The following HMCN2 variants were observed in gnomAD, a reference collection of about 807,000 sequenced individuals.
HMCN2 encodes the protein hemicentin-2.
A neutral mutation model predicts 377.5 loss-of-function variants in HMCN2; 325 were observed. The observed-to-expected ratio is 0.86, with a 90% CI of 0.79 to 0.94. HMCN2 has a LOEUF of 0.94. Ranked by LOEUF, HMCN2 falls within the 40% of genes least tolerant of loss-of-function variation. The pLI, the probability that HMCN2 is intolerant of heterozygous loss-of-function variation, is 0.00. For synonymous variants in HMCN2, 2,007 were observed against 2,046.8 expected (o/e 0.98, Z 0.53); for missense variants, 4,543 against 4,725.3 (o/e 0.96, Z 1.13).
rs1842440451 is a variant in HMCN2, at chr9:130,393,536, A to G, written c.10235-206A>G. Among the ~76,000 whole-genome samples the G allele has an allele frequency of 6.6e-6, 1 of 152,154 alleles. No homozygotes were observed. The highest frequency in any genetic ancestry group is 1.5e-5 in the Non-Finnish European group (1 of 68,006). On this transcript the variant is annotated intron_variant, in intron 67 of 97. Coordinates refer to ENST00000683500, the MANE Select transcript of HMCN2 (RefSeq NM_001291815.2). The surrounding 1 kb of genome is among the most constrained non-coding windows in gnomAD (Gnocchi z 5.2). ...GATAGGCGGGGGCAGAGAGGCAGGA[A>G]GCAGCTCAGTAAAGAGACAATCACA...
Position 130,386,497 on chromosome 9 carries a change from G to A in HMCN2, c.9364G>A (p.Val3122Met), listed in dbSNP as rs1044559218. 39 of 1,303,446 alleles carry A rather than the reference G, an allele frequency of 3.0e-5. No homozygotes were observed. Among genetic ancestry groups the A allele is most frequent in the Admixed American group, 6.9e-5 (3 of 43,538 alleles). 80.7% of individuals were successfully genotyped at this position (1,303,446 alleles called of 1,614,324 possible). A position where few individuals can be genotyped will look rare whatever the true frequency, so the allele number is the denominator to read the frequency against. ...CKVSNVAGEA[V>M]RTFTLTVQVP... ...AGTCAGCAACGTGGCTGGGGAGGCCGTGCGGACCTTCACCCTCACCGTCCA... is the reference window on the plus strand; with the variant it reads ...AGTCAGCAACGTGGCTGGGGAGGCCATGCGGACCTTCACCCTCACCGTCCA... Residue 3122 changes from valine to methionine, a missense_variant, in exon 61 of 98, where the codon GTG becomes ATG. Physicochemically the swap from Val to Met is conservative, Grantham distance 21. This residue lies in a region of HMCN2 where 736 missense variants were observed against 773.2 expected (regional missense o/e 0.95). Coordinates refer to ENST00000683500, the MANE Select transcript of HMCN2 (RefSeq NM_001291815.2).
intron 15 of HMCN2, among the ~76,000 whole-genome samples, chr9:130,317,803 A>AAACC (rs1322671472): frequency 3.8e-5 from 1 of 26,004 alleles, no homozygotes; most frequent in Non-Finnish European, 1.3e-4. Context: ...ACAAACAAAA[A>AAACC]AAACACAAAC....
intron 56 of HMCN2, among the ~76,000 whole-genome samples, 152 bp downstream of exon 56, chr9:130,383,018 T>C (rs1841812750): frequency 6.6e-6 from 1 of 152,178 alleles, no homozygotes; most frequent in South Asian, 2.1e-4. Context: ...TGAGGAGGCA[T>C]GCTGGGCCAG....
intron 19 of HMCN2, among the ~76,000 whole-genome samples, chr9:130,322,347 T>C (rs1020457398): frequency 2.5e-4 from 12 of 48,886 alleles, no homozygotes; most frequent in Admixed American, 4.7e-4. Flanking sequence ...TCTATCCATC[T>C]ATCTATCTAT....
At chr9:130,404,776 G>T (rs954450102) in intron 80 of HMCN2, 93 bp from the exon 81 acceptor site, 30 of 887,186 alleles carry the variant, frequency 3.4e-5, no homozygotes, top group Non-Finnish European at 4.3e-5. Flanking sequence ...GGCCAGGGAG[G>T]GCTGAAGGGC....
rs943907168 is a variant in HMCN2, at chr9:130,338,144, C to G, written c.3487+123C>G. On this transcript the variant is annotated intron_variant, in intron 23 of 97. Coordinates refer to ENST00000683500, the MANE Select transcript of HMCN2 (RefSeq NM_001291815.2). ...TGTCAGGCTCTGTCACCTCTCCCTCCGTGCGCCTCTGCCACCTCCTTTTGC... is the reference window on the plus strand; with the variant it reads ...TGTCAGGCTCTGTCACCTCTCCCTCGGTGCGCCTCTGCCACCTCCTTTTGC... 705 of 153,550 alleles carry G rather than the reference C, an allele frequency of 4.6e-3. 12 individuals are homozygous for G. The highest frequency in any genetic ancestry group is 0.016 in the African/African-American group (667 of 41,528). The allele number at this position is 153,550 out of a possible 1,614,324, so 9.5% of individuals were successfully genotyped here. A position where few individuals can be genotyped will look rare whatever the true frequency, so the allele number is the denominator to read the frequency against.
In HMCN2 at chr9:130,379,390, C is replaced by T. The variant is rs999697231; in HGVS notation, c.8354C>T (p.Ala2785Val). ...NPAYLYCDTNAIPPPDLTWYR... is the reference protein window; with the variant it reads ...NPAYLYCDTNVIPPPDLTWYR... ...GCCTACCTGTACTGCGACACCAACG[C>T]GATCCCACCCCCGGACCTCACCTGG... Residue 2785 changes from alanine to valine, a missense_variant, in exon 54 of 98, where the codon GCG (alanine) becomes GTG (valine). Transcript: ENST00000683500. The T allele has an allele frequency of 2.3e-5, 23 of 985,696 alleles. No individual in the cohort carries two copies. The highest frequency in any genetic ancestry group is 1.1e-4 in the East Asian group (1 of 8,814). The allele number at this position is 985,696 out of a possible 1,614,324, so 61.1% of individuals were successfully genotyped here.
intron 44 of HMCN2, among the ~76,000 whole-genome samples, 200 bp downstream of exon 44, chr9:130,368,637 CTTAA>C (rs1345767115): frequency 6.6e-6 from 1 of 152,090 alleles, no homozygotes; most frequent in African/African-American, 2.4e-5. Flanking sequence ...AAACGAGAGG[CTTAA>C]TTGACTCACA....
chr9:130,314,153 G>T (rs1053502375), intron 15 of HMCN2, among the ~76,000 whole-genome samples: 2 of 152,116 alleles, frequency 1.3e-5, no homozygotes, highest in East Asian at 3.9e-4. Context: ...GAAGCTCCTG[G>T]TTGCCGGGGG....
Position 130,384,526 on chromosome 9 carries a change from T to G in HMCN2, c.8984T>G (p.Leu2995Arg). ...CTCTCCCTGGGTGAAGAGGTCTTCC[T>G]CCTGCCTGGTGGGTAAACTGAGGTG... ...QALSLGEEVF[L>R]LPGTHTLQLG... The change falls in exon 58 of 98, where the codon CTC becomes CGC. Residue 2995 changes from leucine to arginine, a missense_variant. Transcript: ENST00000683500. 7.7e-7 allele frequency: 1 copy of G among 1,304,228 alleles called. No individual in the cohort carries two copies. The highest frequency in any genetic ancestry group is 1.0e-6 in the Non-Finnish European group (1 of 988,950). 80.8% of individuals were successfully genotyped at this position (1,304,228 alleles called of 1,614,324 possible). A position where few individuals can be genotyped will look rare whatever the true frequency, so the allele number is the denominator to read the frequency against.
intron 15 of HMCN2, among the ~76,000 whole-genome samples, chr9:130,316,081 G>A (rs1037269491): frequency 0.039 from 5,961 of 152,260 alleles, 304 homozygotes; most frequent in East Asian, 0.23. Context: ...CTGCACCACC[G>A]AGGGTGGTTC....
At chr9:130,390,137 T>A in intron 62 of HMCN2, among the ~76,000 whole-genome samples, 1 of 152,132 alleles carries the variant, frequency 6.6e-6, no homozygotes, top group East Asian at 1.9e-4. Flanking sequence ...GGCACATGTG[T>A]TCCCTGCCTG....
At chr9:130,319,234 C>T (rs1346647834) in intron 15 of HMCN2, among the ~76,000 whole-genome samples, 8 of 152,150 alleles carry the variant, frequency 5.3e-5, no homozygotes, top group Non-Finnish European at 1.2e-4. Context: ...CATGCTGCTC[C>T]CTCCCCTGCA....
chr9:130,380,200 C>G (rs540598130), intron 54 of HMCN2, among the ~76,000 whole-genome samples: 2 of 152,268 alleles, frequency 1.3e-5, no homozygotes, highest in African/African-American at 4.8e-5. Flanking sequence ...TTTTCTTTCA[C>G]CACCTTAAGA....
At chr9:130,335,759 C>T (rs1240316874) in intron 22 of HMCN2, among the ~76,000 whole-genome samples, 2 of 152,094 alleles carry the variant, frequency 1.3e-5, no homozygotes, top group African/African-American at 4.8e-5. Context: ...TGGTGGTTCT[C>T]ACCAGGACAC....
chr9:130,402,736 T>C, intron 77 of HMCN2, 53 bp from the exon 78 acceptor site: 1 of 1,162,860 alleles, frequency 8.6e-7, no homozygotes, highest in Non-Finnish European at 1.1e-6. Flanking sequence ...CCCTGCCACC[T>C]CCATCCCTGG....
Position 130,398,625 on chromosome 9 carries a change from G to C in HMCN2, c.11401G>C (p.Ala3801Pro). The C allele has an allele frequency of 1.6e-6, 2 of 1,288,826 alleles. No individual in the cohort carries two copies. The highest frequency in any genetic ancestry group is 2.0e-6 in the Non-Finnish European group (2 of 988,110). 79.8% of individuals were successfully genotyped at this position (1,288,826 alleles called of 1,614,324 possible). A position where few individuals can be genotyped will look rare whatever the true frequency, so the allele number is the denominator to read the frequency against. ...AHTPALLPCE[A>P]SGSPKPLVVW... ...CACCCCAGCCTTGCTGCCCTGCGAG[G>C]CCAGCGGCTCCCCTAAGCCCCTGGT... Residue 3801 changes from alanine to proline, a missense_variant, in exon 75 of 98, where the codon GCC (alanine) becomes CCC (proline). Physicochemically the swap from Ala to Pro is conservative, Grantham distance 27. Around this residue, in one of 5 missense-constraint regions of HMCN2, gnomAD observed 1,073 missense variants for 1,319.5 expected, o/e 0.81. Coordinates refer to ENST00000683500, the MANE Select transcript of HMCN2 (RefSeq NM_001291815.2).
chr9:130,411,720 CTG>C (rs1435532362), intron 85 of HMCN2, among the ~76,000 whole-genome samples: 11 of 151,768 alleles, frequency 7.2e-5, no homozygotes, highest in African/African-American at 2.7e-4. Context: ...GAAACAAACA[CTG>C]TATGATTCTG....
At chr9:130,287,947 C>T (rs555246633) in intron 4 of HMCN2, among the ~76,000 whole-genome samples, 6 of 152,294 alleles carry the variant, frequency 3.9e-5, no homozygotes, top group East Asian at 3.9e-4. Context: ...TTTAGATTAG[C>T]GTGCCTTAAC....
Sources: allele counts gnomAD v4.1 joint callset (sites outside exome capture counted in the v4.1 genomes callset), GRCh38; gene constraint gnomAD v4.1.1; regional missense constraint gnomAD v4.1.1; non-coding constraint Gnocchi (gnomAD v3.1); transcripts MANE v1.5; gene names NCBI Gene and HGNC (gene_info 2026-07-23, HGNC 2026-07-21).